AGBL4: variants seen among roughly 807,000 people sequenced by gnomAD.
AGBL4 encodes the protein AGBL carboxypeptidase 4.
A neutral mutation model predicts 66.4 loss-of-function variants in AGBL4; 58 were observed. That is an observed-to-expected ratio of 0.87 (90% confidence interval 0.71 to 1.09). The LOEUF (loss-of-function observed/expected upper bound fraction) is 1.09, where lower values mean the gene tolerates loss of function less well. Among genes scored for constraint, AGBL4 ranks in the 50% least tolerant of loss-of-function variants. The pLI is 0.00. For missense variants in AGBL4, 579 were observed against 631.0 expected (o/e 0.92, Z 0.88); for synonymous variants, 234 against 222.9 (o/e 1.05, Z -0.44).
intron 6 of AGBL4, among the ~76,000 whole-genome samples, chr1:48,773,388 G>C (rs748492040): frequency 3.3e-5 from 5 of 152,084 alleles, no homozygotes; most frequent in Admixed American, 3.3e-4. Context: ...GAGAACAGAG[G>C]TCAAAGGTGA....
intron 3 of AGBL4, among the ~76,000 whole-genome samples, chr1:49,444,012 C>A (rs1056443124): frequency 1.3e-5 from 2 of 151,550 alleles, no homozygotes; most frequent in Non-Finnish European, 3.0e-5. Flanking sequence ...ATTTTAATTT[C>A]TTCATTGAAC....
At chr1:49,168,569 A>G (rs1468615135) in intron 4 of AGBL4, among the ~76,000 whole-genome samples, 1 of 151,902 alleles carries the variant, frequency 6.6e-6, no homozygotes, top group African/African-American at 2.4e-5. Context: ...TTGCCTTGGC[A>G]CTCTGCCTGT....
intron 9 of AGBL4, among the ~76,000 whole-genome samples, chr1:48,618,178 A>C (rs1645350830): frequency 6.6e-6 from 1 of 152,216 alleles, no homozygotes; most frequent in Admixed American, 6.5e-5. Context: ...AGACCAGCCC[A>C]GGCAAGATAG....
At chr1:48,972,016 A>G (rs1312110709) in intron 5 of AGBL4, among the ~76,000 whole-genome samples, 1 of 152,196 alleles carries the variant, frequency 6.6e-6, no homozygotes, top group Non-Finnish European at 1.5e-5. Context: ...CTGCATTGAG[A>G]GAATGATCAA....
chr1:49,543,985 A>C (rs1335913328), intron 3 of AGBL4, among the ~76,000 whole-genome samples: 2 of 152,064 alleles, frequency 1.3e-5, no homozygotes, highest in Non-Finnish European at 2.9e-5. Context: ...TAAAATTCCC[A>C]CCCACAGAGG....
At chr1:49,363,869 C>T (rs1644190290) in intron 3 of AGBL4, among the ~76,000 whole-genome samples, 1 of 152,180 alleles carries the variant, frequency 6.6e-6, no homozygotes, top group Non-Finnish European at 1.5e-5. Context: ...ATGATCCTTG[C>T]CCTCAAAGAG....
intron 4 of AGBL4, among the ~76,000 whole-genome samples, chr1:49,147,491 T>A (rs1293573787): frequency 6.6e-6 from 1 of 152,108 alleles, no homozygotes; most frequent in Non-Finnish European, 1.5e-5. Context: ...TCATCCCCGT[T>A]TTATACTGAT....
intron 3 of AGBL4, among the ~76,000 whole-genome samples, chr1:49,408,054 C>T (rs986102148): frequency 2.0e-5 from 3 of 152,110 alleles, no homozygotes; most frequent in African/African-American, 7.2e-5. Context: ...ACTTATTTTT[C>T]GCTTATCAGA....
chr1:48,709,049 C>T (rs866398537), intron 6 of AGBL4, among the ~76,000 whole-genome samples: 6 of 152,162 alleles, frequency 3.9e-5, no homozygotes, highest in Admixed American at 6.5e-5. Flanking sequence ...TCATGGAAGT[C>T]CCTTCTCCTC....
chr1:49,707,707 T>C (rs1034091354), intron 2 of AGBL4, among the ~76,000 whole-genome samples: 6 of 152,144 alleles, frequency 3.9e-5, no homozygotes, highest in African/African-American at 1.2e-4. Context: ...TTCCTTCCCA[T>C]ATTTAGTGCT....
rs982263280 is a variant in AGBL4 at position 48,822,762 on chromosome 1, A to C, written c.634+44429T>G. ...CAGGCCTTGGAACTTGTCAGTCTTC[A>C]TAATTGCATGGCCCAGTTCTTTATA... On this transcript the variant is annotated intron_variant, in intron 6 of 13. Transcript: ENST00000371839. Among the ~76,000 whole-genome samples, 4 of 152,230 alleles carry C rather than the reference A, an allele frequency of 2.6e-5. No individual in the cohort carries two copies. In the South Asian group the frequency reaches 8.3e-4, roughly 32 times the overall value.
chr1:49,149,437 G>C (rs558398878), intron 4 of AGBL4, among the ~76,000 whole-genome samples: 1 of 152,128 alleles, frequency 6.6e-6, no homozygotes, highest in Non-Finnish European at 1.5e-5. Context: ...CCTGCTGATG[G>C]TGGTATGTGA....
chr1:48,743,889 A>C (rs1451713120), intron 6 of AGBL4, among the ~76,000 whole-genome samples: 2 of 152,244 alleles, frequency 1.3e-5, no homozygotes, highest in African/African-American at 4.8e-5. Context: ...CCCAGGAGAG[A>C]ATCTCAATCC....
At chr1:48,707,046 C>A (rs1021369043) in intron 6 of AGBL4, among the ~76,000 whole-genome samples, 2 of 152,228 alleles carry the variant, frequency 1.3e-5, no homozygotes, top group Non-Finnish European at 2.9e-5. Flanking sequence ...GTAATCCCAG[C>A]ACTTTGGGAG....
At chr1:49,068,744 C>T (rs935128561) in intron 4 of AGBL4, among the ~76,000 whole-genome samples, 6 of 152,018 alleles carry the variant, frequency 3.9e-5, no homozygotes, top group Admixed American at 3.3e-4. Flanking sequence ...GGGTATATAC[C>T]CAGTAATGGG....
intron 1 of AGBL4, among the ~76,000 whole-genome samples, chr1:49,908,706 T>C (rs916741587): frequency 4.6e-5 from 7 of 152,060 alleles, no homozygotes; most frequent in African/African-American, 1.2e-4. Flanking sequence ...TGTGGGAGAA[T>C]TGCTTGAACC....
rs561274087 is a variant in AGBL4 at position 49,592,153 on chromosome 1, C to A, written c.282+105160G>T. ...ACTGCCAATAGAATAAACAGACAAC[C>A]TACAGAATGGAAGAAAATATTTGCA... On this transcript the variant is annotated intron_variant, in intron 3 of 13. Coordinates refer to ENST00000371839, the MANE Select transcript of AGBL4 (RefSeq NM_032785.4). 2.6e-5 allele frequency among the ~76,000 whole-genome samples: 4 copies of A among 152,154 alleles called. No homozygotes were observed. In the East Asian group the frequency reaches 5.8e-4, roughly 22 times the overall value.
At chr1:49,473,232 A>G (rs1646781787) in intron 3 of AGBL4, among the ~76,000 whole-genome samples, 1 of 152,142 alleles carries the variant, frequency 6.6e-6, no homozygotes, top group African/African-American at 2.4e-5. Flanking sequence ...TGCTTCCCAC[A>G]GGGGCTGAAC....
At chr1:48,799,604 CT>C (rs1488442512) in intron 6 of AGBL4, among the ~76,000 whole-genome samples, 3 of 152,092 alleles carry the variant, frequency 2.0e-5, no homozygotes, top group African/African-American at 7.2e-5. Flanking sequence ...CAACTTTTCC[CT>C]GTTCAGTATA....
Sources: gnomAD v4.1 joint callset for allele counts (sites outside exome capture counted in the v4.1 genomes callset) on GRCh38, gnomAD v4.1.1 for gene constraint, MANE v1.5 for transcripts, NCBI Gene and HGNC (gene_info 2026-07-23, HGNC 2026-07-21) for gene names.